The following MCTP2 variants were observed in gnomAD, a reference collection of about 807,000 sequenced individuals.
The protein encoded by MCTP2 is multiple C2 and transmembrane domain-containing protein 2.
Under a neutral mutation model 111.6 loss-of-function variants are expected in MCTP2, and 132 were observed. The observed-to-expected ratio is 1.18, with a 90% CI of 1.03 to 1.37. The LOEUF is 1.37. Among genes scored for constraint, MCTP2 ranks in the 40% most tolerant of loss-of-function variants. The pLI, the probability that MCTP2 is intolerant of heterozygous loss-of-function variation, is 0.00. For synonymous variants in MCTP2, 395 were observed against 387.7 expected (o/e 1.02, Z -0.22); for missense variants, 1,183 against 1,067.9 (o/e 1.11, Z -1.50).
At chr15:94,388,105 G>A (rs148656455) in intron 14 of MCTP2, among the ~76,000 whole-genome samples, 10 of 152,302 alleles carry the variant, frequency 6.6e-5, no homozygotes, top group East Asian at 5.8e-4. Context: ...CATTTTCATC[G>A]TGGGGGATGG....
In MCTP2 at chr15:94,375,764, C is replaced by T. The variant is rs74028289; in HGVS notation, c.1582+5584C>T. Among the ~76,000 whole-genome samples, 1,252 of 152,136 alleles carry T rather than the reference C, an allele frequency of 8.2e-3. 22 individuals are homozygous for T. Among genetic ancestry groups the T allele is most frequent in the African/African-American group, 0.029 (1,191 of 41,488 alleles). On this transcript the variant is annotated intron_variant, in intron 12 of 22. Transcript: ENST00000357742. Reference sequence around the variant, plus strand: ...GAGGAAAAATAAATATGTTTCCAGACGAGAAATCTAGGTTATTATAAAGTA... The same window carrying T: ...GAGGAAAAATAAATATGTTTCCAGATGAGAAATCTAGGTTATTATAAAGTA...
At chr15:94,421,334 A>C (rs1000798826) in intron 17 of MCTP2, among the ~76,000 whole-genome samples, 2 of 152,140 alleles carry the variant, frequency 1.3e-5, no homozygotes, top group African/African-American at 4.8e-5. Flanking sequence ...AACCAAACTC[A>C]CAAGATCTCA....
At chr15:94,343,013 A>G (rs565043912) in intron 7 of MCTP2, 1 of 134,134 alleles carries the variant, frequency 7.5e-6, no homozygotes, top group South Asian at 2.4e-4. Context: ...CACATATATG[A>G]ATACCTATAT....
intron 1 of MCTP2, among the ~76,000 whole-genome samples, chr15:94,237,484 C>G (rs1381899099): frequency 1.3e-5 from 2 of 150,810 alleles, no homozygotes; most frequent in African/African-American, 2.4e-5. Context: ...TCTAAGGGGT[C>G]TGGGGACTCA....
chr15:94,236,016 T>C (rs2070514389), intron 1 of MCTP2, among the ~76,000 whole-genome samples: 1 of 152,244 alleles, frequency 6.6e-6, no homozygotes, highest in South Asian at 2.1e-4. Context: ...ATGCAGACTT[T>C]TAAAATTTCA....
intron 2 of MCTP2, among the ~76,000 whole-genome samples, chr15:94,312,364 G>T (rs1202212014): frequency 6.6e-6 from 1 of 152,202 alleles, no homozygotes; most frequent in Non-Finnish European, 1.5e-5. Flanking sequence ...TCACCTGGGG[G>T]TCCTTTTATA....
intron 1 of MCTP2, among the ~76,000 whole-genome samples, chr15:94,243,625 G>A (rs1455016688): frequency 2.0e-5 from 3 of 147,784 alleles, no homozygotes; most frequent in East Asian, 2.0e-4. Flanking sequence ...GTGTATATAC[G>A]CATATGCGTA....
intron 17 of MCTP2, among the ~76,000 whole-genome samples, chr15:94,409,237 A>G (rs926041174): frequency 6.6e-6 from 1 of 152,214 alleles, no homozygotes; most frequent in Admixed American, 6.5e-5. Context: ...CCCAGCCTAC[A>G]TCTTTCTCCC....
intron 19 of MCTP2, among the ~76,000 whole-genome samples, chr15:94,446,243 A>G (rs1237276110): frequency 1.3e-5 from 2 of 152,196 alleles, no homozygotes; most frequent in African/African-American, 4.8e-5. Context: ...TGTACAAGCT[A>G]AACTTTGAAG....
chr15:94,293,900 C>CA (rs2075140788), intron 1 of MCTP2, among the ~76,000 whole-genome samples: 3 of 152,138 alleles, frequency 2.0e-5, no homozygotes, highest in East Asian at 3.8e-4. Context: ...TATTCGTACA[C>CA]AAAAAACCTG....
intron 12 of MCTP2, 53 bp from the exon 13 acceptor site, chr15:94,383,969 T>C: frequency 7.8e-7 from 1 of 1,290,082 alleles, no homozygotes; most frequent in Non-Finnish European, 1.1e-6. Flanking sequence ...ACATTGCCCT[T>C]GTCCCTTTCG....
chr15:94,246,601 T>C (rs1273616690), intron 1 of MCTP2, among the ~76,000 whole-genome samples: 1 of 152,188 alleles, frequency 6.6e-6, no homozygotes, highest in Non-Finnish European at 1.5e-5. Context: ...TAAAAACTCA[T>C]TTGCAGTATT....
chr15:94,405,082 A>C (rs1050283704), intron 17 of MCTP2, among the ~76,000 whole-genome samples: 1 of 152,170 alleles, frequency 6.6e-6, no homozygotes, highest in African/African-American at 2.4e-5. Flanking sequence ...CAGGTCCTCT[A>C]ATTGAAATTA....
intron 21 of MCTP2, among the ~76,000 whole-genome samples, chr15:94,474,145 T>TC (rs567802024): frequency 6.6e-6 from 1 of 152,172 alleles, no homozygotes; most frequent in African/African-American, 2.4e-5. Flanking sequence ...AGATATACCC[T>TC]CCCTCTGTAC....
Position 94,236,377 on chromosome 15 carries a change from C to CTTTTTTTTT in MCTP2, c.-66+4733_-66+4741dup, listed in dbSNP as rs71132992. ...TATGATTCAATCCTTTCTTTTTTTT[C>CTTTTTTTTT]TTTTTTTTTTTTTTTTTTTTTTTTT... is the stretch of plus-strand genomic sequence containing the variant. On this transcript the variant is annotated intron_variant, in intron 1 of 22. Coordinates refer to ENST00000357742, the MANE Select transcript of MCTP2 (RefSeq NM_001385001.1). Among the ~76,000 whole-genome samples, 618 of 72,518 alleles carry CTTTTTTTTT rather than the reference C, an allele frequency of 8.5e-3. 12 individuals are homozygous for CTTTTTTTTT. Among genetic ancestry groups the CTTTTTTTTT allele is most frequent in the Middle Eastern group, 0.01 (1 of 96 alleles). 47.6% of individuals were successfully genotyped at this position (72,518 alleles called of 152,430 possible). A position where few individuals can be genotyped will look rare whatever the true frequency, so the allele number is the denominator to read the frequency against.
chr15:94,243,746 T>C (rs1048153317), intron 1 of MCTP2, among the ~76,000 whole-genome samples: 2 of 146,592 alleles, frequency 1.4e-5, no homozygotes, highest in Non-Finnish European at 1.5e-5. Context: ...TACATATATG[T>C]ATACACATGC....
intron 17 of MCTP2, among the ~76,000 whole-genome samples, chr15:94,430,172 TA>T (rs1168872531): frequency 4.6e-5 from 7 of 152,162 alleles, no homozygotes; most frequent in Admixed American, 3.9e-4. Flanking sequence ...TCTTCTTAAA[TA>T]TGAGTCAAAT....
chr15:94,317,598 C>T (rs2099517951), intron 4 of MCTP2, among the ~76,000 whole-genome samples: 2 of 152,202 alleles, frequency 1.3e-5, no homozygotes, highest in African/African-American at 2.4e-5. Flanking sequence ...TACCTGCTGC[C>T]TCCAAGCCTG....
intron 14 of MCTP2, among the ~76,000 whole-genome samples, chr15:94,391,161 G>A (rs1419561362): frequency 6.6e-6 from 1 of 152,042 alleles, no homozygotes; most frequent in Non-Finnish European, 1.5e-5. Flanking sequence ...GTGAATCCAT[G>A]TACACCCGAT....
Sources: gnomAD v4.1 joint callset for allele counts (sites outside exome capture counted in the v4.1 genomes callset) on GRCh38, gnomAD v4.1.1 for gene constraint, MANE v1.5 for transcripts, NCBI Gene and HGNC (gene_info 2026-07-23, HGNC 2026-07-21) for gene names.